Variants in SRRM4 observed in about 807,000 individuals in gnomAD.
SRRM4 encodes the protein serine/arginine repetitive matrix protein 4.
In SRRM4, 33 loss-of-function variants were observed where a neutral mutation model predicts 68.9. That is an observed-to-expected ratio of 0.48 (90% CI 0.36 to 0.64). The LOEUF (loss-of-function observed/expected upper bound fraction) is 0.64. Ranked by LOEUF, SRRM4 falls within the 30% of genes least tolerant of loss-of-function variation. The pLI is 0.00. For missense variants in SRRM4, 817 were observed against 827.1 expected (o/e 0.99, Z 0.15); for synonymous variants, 318 against 318.8 (o/e 1.00, Z 0.03).
intron 7 of SRRM4, among the ~76,000 whole-genome samples, chr12:119,129,682 A>C (rs558571448): frequency 6.6e-6 from 1 of 152,368 alleles, no homozygotes; most frequent in African/African-American, 2.4e-5. Flanking sequence ...CTGCATCCTC[A>C]GACCCTAAAG....
At chr12:119,078,025 C>G (rs560892304) in intron 1 of SRRM4, among the ~76,000 whole-genome samples, 3 of 120,528 alleles carry the variant, frequency 2.5e-5, no homozygotes, top group African/African-American at 8.6e-5. Flanking sequence ...GCATATCCAG[C>G]TGAGGTCTTA....
intron 1 of SRRM4, among the ~76,000 whole-genome samples, chr12:118,982,679 G>GTTTTTTTTTT (rs370087102): frequency 1.1e-4 from 11 of 102,136 alleles, no homozygotes; most frequent in African/African-American, 3.0e-4. Flanking sequence ...GTTTTTTTTT[G>GTTTTTTTTTT]TTTTTTTTTT....
intron 1 of SRRM4, among the ~76,000 whole-genome samples, chr12:119,037,721 C>G (rs566889293): frequency 6.6e-6 from 1 of 152,054 alleles, no homozygotes. Flanking sequence ...GAACATTCGC[C>G]GAAGAGAAGG....
intron 1 of SRRM4, among the ~76,000 whole-genome samples, chr12:118,994,730 G>A (rs757937173): frequency 2.0e-5 from 3 of 152,208 alleles, no homozygotes; most frequent in Non-Finnish European, 4.4e-5. Context: ...GAGCCTCAGT[G>A]CCCTCATCTG....
chr12:119,107,456 T>A (rs1233272043), intron 2 of SRRM4, among the ~76,000 whole-genome samples: 2 of 152,320 alleles, frequency 1.3e-5, no homozygotes, highest in African/African-American at 4.8e-5. Flanking sequence ...TCCTGGACTT[T>A]TTTTGGTTGC....
At chr12:118,999,108 T>G (rs1051299333) in intron 1 of SRRM4, among the ~76,000 whole-genome samples, 1 of 152,182 alleles carries the variant, frequency 6.6e-6, no homozygotes, top group Admixed American at 6.5e-5. Flanking sequence ...AAAGGTATTC[T>G]TTATCCTATC....
intron 7 of SRRM4, among the ~76,000 whole-genome samples, chr12:119,130,476 T>A (rs920705751): frequency 1.3e-5 from 2 of 152,078 alleles, no homozygotes; most frequent in South Asian, 2.1e-4. Context: ...GTTAAATGGA[T>A]GAATGAATAA....
At chr12:119,064,541 A>G (rs1953833922) in intron 1 of SRRM4, among the ~76,000 whole-genome samples, 1 of 152,196 alleles carries the variant, frequency 6.6e-6, no homozygotes, top group Admixed American at 6.5e-5. Flanking sequence ...CATGTGGTGT[A>G]GTGGAAAGAA....
At chr12:119,001,265 C>T (rs1953382301) in intron 1 of SRRM4, 1 of 152,236 alleles carries the variant, frequency 6.6e-6, no homozygotes, top group Non-Finnish European at 1.5e-5. Context: ...AGAGGCCCCA[C>T]CTACTCTTGA....
chr12:119,045,218 C>G (rs1444885684), intron 1 of SRRM4, among the ~76,000 whole-genome samples: 1 of 152,180 alleles, frequency 6.6e-6, no homozygotes, highest in Non-Finnish European at 1.5e-5. Flanking sequence ...CTTGCAGGCT[C>G]AAGACTTCCC....
At chr12:119,118,601 G>A (rs1044606166) in intron 4 of SRRM4, among the ~76,000 whole-genome samples, 1 of 152,256 alleles carries the variant, frequency 6.6e-6, no homozygotes, top group Non-Finnish European at 1.5e-5. Flanking sequence ...TTAATTTGGT[G>A]TCAGCAATCT....
At chr12:119,130,093 A>G (rs1435612893) in intron 7 of SRRM4, among the ~76,000 whole-genome samples, 3 of 151,680 alleles carry the variant, frequency 2.0e-5, no homozygotes, top group South Asian at 4.2e-4. Flanking sequence ...GATTGGATGG[A>G]CGGATGAATA....
intron 1 of SRRM4, among the ~76,000 whole-genome samples, chr12:119,019,697 C>G (rs1398618231): frequency 1.3e-5 from 2 of 152,290 alleles, no homozygotes; most frequent in Middle Eastern, 3.4e-3. Context: ...TGGGATTAAA[C>G]TGCTTCTCTA....
At chr12:119,088,502 T>C (rs1357711454) in intron 1 of SRRM4, among the ~76,000 whole-genome samples, 1 of 152,202 alleles carries the variant, frequency 6.6e-6, no homozygotes, top group Non-Finnish European at 1.5e-5. Context: ...AATGTATATT[T>C]CCCATAGCTA....
At chr12:119,062,098 GCA>G (rs1376818025) in intron 1 of SRRM4, among the ~76,000 whole-genome samples, 1 of 152,196 alleles carries the variant, frequency 6.6e-6, no homozygotes, top group African/African-American at 2.4e-5. Context: ...CTACCAACCT[GCA>G]CAGCATGTTA....
At chr12:119,123,621 G>A (rs568261279) in intron 6 of SRRM4, among the ~76,000 whole-genome samples, 110 of 152,236 alleles carry the variant, frequency 7.2e-4, no homozygotes, top group Non-Finnish European at 1.4e-3. Context: ...GCTTGTGGAA[G>A]CCAAAAGACA....
intron 3 of SRRM4, 49 bp downstream of exon 3, chr12:119,114,413 A>G (rs770841279): frequency 6.7e-7 from 1 of 1,483,104 alleles, no homozygotes; most frequent in East Asian, 2.4e-5. Context: ...AGGCAGGGAC[A>G]AAATATGGGT....
chr12:119,005,374 G>C (rs944785655), intron 1 of SRRM4, among the ~76,000 whole-genome samples: 6 of 152,176 alleles, frequency 3.9e-5, no homozygotes, highest in Admixed American at 3.9e-4. Context: ...GAGGCTCATG[G>C]GAATCAACTG....
rs35250419 is a variant in SRRM4 at position 118,998,268 on chromosome 12, CAAAAAAAAAAAA to C, written c.131+16275_131+16286del. On this transcript the variant is annotated intron_variant, in intron 1 of 12. Coordinates refer to ENST00000267260, the MANE Select transcript of SRRM4 (RefSeq NM_194286.4). ...AACTGAGTGGATAAGAGCAATATGG[CAAAAAAAAAAAA>C]AAAAAAAAAAAAAAAAAAATCACAG... 4.7e-3 allele frequency among the ~76,000 whole-genome samples: 171 copies of C among 36,602 alleles called. 2 individuals carry two copies. Among genetic ancestry groups the C allele is most frequent in the African/African-American group, 0.015 (125 of 8,606 alleles). 24.0% of individuals were successfully genotyped at this position (36,602 alleles called of 152,430 possible). A position where few individuals can be genotyped will look rare whatever the true frequency, so the allele number is the denominator to read the frequency against.
Sources: gnomAD v4.1 joint callset for allele counts (sites outside exome capture counted in the v4.1 genomes callset) on GRCh38, gnomAD v4.1.1 for gene constraint, MANE v1.5 for transcripts, NCBI Gene and HGNC (gene_info 2026-07-23, HGNC 2026-07-21) for gene names.